Variants in ADAMTS2 observed in about 807,000 individuals in gnomAD.
ADAMTS2 encodes A disintegrin and metalloproteinase with thrombospondin motifs 2.
Under a neutral mutation model 123.0 loss-of-function variants are expected in ADAMTS2, and 50 were observed. The observed-to-expected ratio is 0.41, with a 90% CI of 0.32 to 0.51. The LOEUF is 0.51. ADAMTS2 is among the 20% of genes least tolerant of loss of function. ADAMTS2 has a pLI of 0.35. For missense variants in ADAMTS2, 1,494 were observed against 1,705.2 expected, an observed-to-expected ratio of 0.88 and a Z score of 2.18; for synonymous variants, 678 against 695.4, an observed-to-expected ratio of 0.98 and a Z score of 0.39.
At chr5:179,200,377 T>A (rs757815510) in intron 4 of ADAMTS2, among the ~76,000 whole-genome samples, 1 of 150,824 alleles carries the variant, frequency 6.6e-6, no homozygotes, top group Non-Finnish European at 1.5e-5. Flanking sequence ...GCCTCCCGAG[T>A]AGCTGGGATT....
chr5:179,277,488 C>G (rs1413600998), intron 2 of ADAMTS2, among the ~76,000 whole-genome samples: 1 of 40,442 alleles, frequency 2.5e-5, no homozygotes, highest in South Asian at 1.5e-3. Context: ...GCTGACCCCC[C>G]ACCCGAGACC....
At chr5:179,184,632 C>A (rs759601196) in intron 4 of ADAMTS2, among the ~76,000 whole-genome samples, 16 of 152,124 alleles carry the variant, frequency 1.1e-4, no homozygotes, top group South Asian at 2.1e-4. Flanking sequence ...GGGCCCCTCA[C>A]AGGCTCTCAA....
At chr5:179,329,212 A>G (rs543210636) in intron 2 of ADAMTS2, among the ~76,000 whole-genome samples, 26 of 152,096 alleles carry the variant, frequency 1.7e-4, no homozygotes, top group Non-Finnish European at 2.9e-4. Flanking sequence ...CTGTAGTCCC[A>G]GCTACTCTTG....
At chr5:179,305,083 C>G (rs555229151) in intron 2 of ADAMTS2, among the ~76,000 whole-genome samples, 8 of 150,284 alleles carry the variant, frequency 5.3e-5, no homozygotes, top group Non-Finnish European at 1.0e-4. Flanking sequence ...ACTGTCAACC[C>G]AGAATTCTAT....
At chr5:179,251,878 A>G (rs1287729536) in intron 3 of ADAMTS2, among the ~76,000 whole-genome samples, 1 of 152,166 alleles carries the variant, frequency 6.6e-6, no homozygotes, top group African/African-American at 2.4e-5. Context: ...GATTGTCTGC[A>G]GAATTACCTA....
At chr5:179,316,586 GC>G (rs1415434581) in intron 2 of ADAMTS2, among the ~76,000 whole-genome samples, 4 of 152,306 alleles carry the variant, frequency 2.6e-5, no homozygotes, top group South Asian at 4.1e-4. Flanking sequence ...AGAACAGAAG[GC>G]TGCCTCTTCA....
chr5:179,325,687 G>T (rs539732375), intron 2 of ADAMTS2, among the ~76,000 whole-genome samples: 1 of 152,284 alleles, frequency 6.6e-6, no homozygotes, highest in Non-Finnish European at 1.5e-5. Context: ...CTGCCGGGCG[G>T]CTGGTGCACT....
chr5:179,322,857 C>T (rs777407660), intron 2 of ADAMTS2, among the ~76,000 whole-genome samples: 1 of 152,212 alleles, frequency 6.6e-6, no homozygotes, highest in Non-Finnish European at 1.5e-5. Context: ...GGCGCCAGAC[C>T]CCTAACTGCA....
intron 3 of ADAMTS2, among the ~76,000 whole-genome samples, chr5:179,214,027 G>A (rs923587435): frequency 8.5e-5 from 13 of 152,242 alleles, no homozygotes; most frequent in South Asian, 2.1e-4. Flanking sequence ...AAGCACACAC[G>A]GGAGAAGTTC....
intron 2 of ADAMTS2, among the ~76,000 whole-genome samples, chr5:179,330,596 C>G (rs1037700769): frequency 6.6e-6 from 1 of 152,140 alleles, no homozygotes; most frequent in East Asian, 1.9e-4. Flanking sequence ...TTCCCCTCCC[C>G]CAGTGCCCGT....
intron 2 of ADAMTS2, among the ~76,000 whole-genome samples, chr5:179,330,520 C>T (rs546843996): frequency 2.6e-5 from 4 of 152,368 alleles, no homozygotes; most frequent in African/African-American, 9.6e-5. Context: ...AATGCAGAAG[C>T]TCTGCAAAGA....
In ADAMTS2 at chr5:179,136,026, G is replaced by A. The variant is rs1763062414; in HGVS notation, c.1968C>T (p.His656=). The change falls in exon 13 of 22, where the codon CAC becomes CAT. Residue 656 remains histidine (H), a synonymous_variant. Transcript: ENST00000251582. ...CGGTCTCCCTGGACTCGCAGTACAG[G>A]TGGCATCTCTCCTTGGCTGGAAGGG... ...HEHRDAKERC[H]LYCESRETGE... 2 of 1,613,446 alleles carry A rather than the reference G, an allele frequency of 1.2e-6. No individual in the cohort carries two copies. The highest frequency in any genetic ancestry group is 2.7e-5 in the African/African-American group (2 of 75,040).
At chr5:179,276,306 G>C (rs1046571804) in intron 2 of ADAMTS2, among the ~76,000 whole-genome samples, 2 of 152,152 alleles carry the variant, frequency 1.3e-5, no homozygotes, top group Non-Finnish European at 2.9e-5. Flanking sequence ...TGATGGTCCC[G>C]GTGCGTGGTG....
At position 179,225,497 on chromosome 5, in the gene ADAMTS2, C is replaced by T. The variant is rs140481960; in HGVS notation, c.689-17782G>A. Among the ~76,000 whole-genome samples the T allele has an allele frequency of 3.9e-5, 6 of 152,316 alleles. No individual in the cohort carries two copies. Among genetic ancestry groups the T allele is most frequent in the South Asian group, 2.1e-4 (1 of 4,826 alleles). On this transcript the variant is annotated intron_variant, in intron 3 of 21. Transcript: ENST00000251582. This position sits in a 1 kb window ranked among gnomAD's most constrained non-coding sequence, Gnocchi z 4.5. ...CAAGACCACCCTGGTCCACCATGTC[C>T]CCATCCTGTGCCTATAAAAACCCGA...
chr5:179,158,971 C>A lies in ADAMTS2; in HGVS notation c.976-92G>T. On this transcript the variant is annotated intron_variant, in intron 5 of 21. Transcript: ENST00000251582. This position sits in a 1 kb window ranked among gnomAD's most constrained non-coding sequence, Gnocchi z 5.0. ...AGGCTGTAGTGTTGACAGACCCCATCCACTGGGAATCTGTTCCAGGTGGTA... is the reference window on the plus strand; with the variant it reads ...AGGCTGTAGTGTTGACAGACCCCATACACTGGGAATCTGTTCCAGGTGGTA... 6.7e-7 allele frequency: 1 copy of A among 1,493,488 alleles called. No individual in the cohort carries two copies. Among genetic ancestry groups the A allele is most frequent in the Non-Finnish European group, 9.1e-7 (1 of 1,100,108 alleles). The allele number at this position is 1,493,488 out of a possible 1,614,324, so 92.5% of individuals were successfully genotyped here.
Position 179,128,952 on chromosome 5 carries a change from A to G in ADAMTS2, c.2458-834T>C, listed in dbSNP as rs1762911368. On this transcript the variant is annotated intron_variant, in intron 16 of 21. Coordinates refer to ENST00000251582, the MANE Select transcript of ADAMTS2 (RefSeq NM_014244.5). This position sits in a 1 kb window ranked among gnomAD's most constrained non-coding sequence, Gnocchi z 4.9. The stretch of plus-strand genomic sequence containing the variant: ...GTATGTGACACTCAACAGACTGCAG[A>G]AAGAACCCCTGTTTGTGGGATGAGA... Among the ~76,000 whole-genome samples the G allele has an allele frequency of 6.6e-6, 1 of 152,144 alleles. No homozygotes were observed. The highest frequency in any genetic ancestry group is 1.5e-5 in the Non-Finnish European group (1 of 68,026).
chr5:179,150,353 C>T (rs899982090), intron 10 of ADAMTS2, among the ~76,000 whole-genome samples: 4 of 152,232 alleles, frequency 2.6e-5, no homozygotes, highest in African/African-American at 9.7e-5. Flanking sequence ...GTGGTTCTGG[C>T]CTCACTGGGC....
intron 2 of ADAMTS2, among the ~76,000 whole-genome samples, chr5:179,326,010 T>C (rs73333297): frequency 0.02 from 3,103 of 152,272 alleles, 103 homozygotes; most frequent in African/African-American, 0.07. Context: ...GAGGAAGGGA[T>C]CAGAGCGCTC....
chr5:179,221,631 G>A (rs568699533), intron 3 of ADAMTS2, among the ~76,000 whole-genome samples: 1 of 152,124 alleles, frequency 6.6e-6, no homozygotes, highest in Non-Finnish European at 1.5e-5. Context: ...CCTCCAGGAC[G>A]CTCCCATGCC....
Sources: gnomAD v4.1 joint callset for allele counts (sites outside exome capture counted in the v4.1 genomes callset) on GRCh38, gnomAD v4.1.1 for gene constraint, Gnocchi (gnomAD v3.1) non-coding constraint, MANE v1.5 for transcripts, NCBI Gene and HGNC (gene_info 2026-07-23, HGNC 2026-07-21) for gene names.